Variants in C1QTNF3 observed in about 807,000 individuals in gnomAD.
C1QTNF3 encodes complement C1q tumor necrosis factor-related protein 3.
A neutral mutation model predicts 32.6 loss-of-function variants in C1QTNF3; 26 were observed. That is an observed-to-expected ratio of 0.80 (90% CI 0.58 to 1.11). The LOEUF is 1.11. C1QTNF3 is among the 50% of genes least tolerant of loss of function. The pLI is 0.00. For missense variants in C1QTNF3, 362 were observed against 398.2 expected (o/e 0.91, Z 0.77); for synonymous variants, 155 against 146.0 (o/e 1.06, Z -0.44).
At chr5:34,098,897 T>G in the C1QTNF3 span, among the ~76,000 whole-genome samples, 1 of 152,002 alleles carries the variant, frequency 6.6e-6, no homozygotes, top group African/African-American at 2.4e-5. Context: ...AACATTTAAT[T>G]GTTACTGTAA....
chr5:34,172,440 C>T, the C1QTNF3 span, among the ~76,000 whole-genome samples: 5 of 21,312 alleles, frequency 2.3e-4, no homozygotes, highest in South Asian at 4.2e-3. Flanking sequence ...CGGGGTTGGG[C>T]GGGGGGGGCG....
the C1QTNF3 span, among the ~76,000 whole-genome samples, chr5:34,160,836 G>C: frequency 6.6e-6 from 1 of 151,318 alleles, no homozygotes; most frequent in Non-Finnish European, 1.5e-5. Context: ...GAGCGAAAGA[G>C]AGAGAGAAAG....
At chr5:34,237,720 A>C in the C1QTNF3 span, among the ~76,000 whole-genome samples, 1 of 152,132 alleles carries the variant, frequency 6.6e-6, no homozygotes, top group Non-Finnish European at 1.5e-5. Flanking sequence ...AGAGGGAGGA[A>C]GCCTGTGCAG....
chr5:34,022,980 C>A (rs1479427277), intron 5 of C1QTNF3, among the ~76,000 whole-genome samples: 1 of 152,254 alleles, frequency 6.6e-6, no homozygotes, highest in South Asian at 2.1e-4. Flanking sequence ...CTCAGCCTCC[C>A]GAGTAGCTGG....
At chr5:34,022,040 AG>A in intron 5 of C1QTNF3, among the ~76,000 whole-genome samples, 1 of 152,246 alleles carries the variant, frequency 6.6e-6, no homozygotes, top group East Asian at 1.9e-4. Context: ...AGAAGGCCTC[AG>A]GGTAACTCCA....
chr5:34,056,881 C>A, the C1QTNF3 span, among the ~76,000 whole-genome samples: 1 of 151,952 alleles, frequency 6.6e-6, no homozygotes, highest in African/African-American at 2.4e-5. Context: ...ACAGTGCAGA[C>A]AGGAAAAATA....
the C1QTNF3 span, among the ~76,000 whole-genome samples, chr5:34,203,193 A>G: frequency 1.3e-5 from 2 of 152,220 alleles, no homozygotes; most frequent in Non-Finnish European, 2.9e-5. Flanking sequence ...GAGAAATCAA[A>G]TAGCAACACA....
the C1QTNF3 span, among the ~76,000 whole-genome samples, chr5:34,170,224 T>C: frequency 1.1e-4 from 17 of 152,150 alleles, no homozygotes; most frequent in African/African-American, 4.1e-4. Context: ...ACGAGGTATC[T>C]GTAATAGTCA....
the C1QTNF3 span, among the ~76,000 whole-genome samples, chr5:34,050,827 G>A: frequency 5.0e-4 from 76 of 152,328 alleles, no homozygotes; most frequent in African/African-American, 1.8e-3. Context: ...AACTGCATAT[G>A]TCAGCTTCTG....
chr5:34,036,102 C>G (rs1321563514), intron 1 of C1QTNF3, among the ~76,000 whole-genome samples: 1 of 152,174 alleles, frequency 6.6e-6, no homozygotes, highest in Non-Finnish European at 1.5e-5. Context: ...GACTTGGAAG[C>G]CTTTTCTCTT....
intron 3 of C1QTNF3, 151 bp from the exon 4 acceptor site, chr5:34,029,034 T>G: frequency 1.7e-6 from 1 of 573,070 alleles, no homozygotes; most frequent in Non-Finnish European, 2.9e-6. Flanking sequence ...TTATGGTAAT[T>G]CCAACATTTG....
At chr5:34,231,417 T>A in the C1QTNF3 span, among the ~76,000 whole-genome samples, 1 of 152,204 alleles carries the variant, frequency 6.6e-6, no homozygotes, top group Admixed American at 6.5e-5. Context: ...GAATGTACAT[T>A]CTAGAGAAAT....
At chr5:34,175,633 C>T in the C1QTNF3 span, 1 of 515,740 alleles carries the variant, frequency 1.9e-6, no homozygotes, top group Non-Finnish European at 3.5e-6. Context: ...GAAGCGGGGA[C>T]CTGACTCCTT....
At chr5:34,237,420 T>C in the C1QTNF3 span, among the ~76,000 whole-genome samples, 9 of 152,236 alleles carry the variant, frequency 5.9e-5, no homozygotes, top group Non-Finnish European at 1.3e-4. Flanking sequence ...CAATTTTTAA[T>C]TACATATTTA....
At chr5:34,217,793 G>C in the C1QTNF3 span, among the ~76,000 whole-genome samples, 1 of 152,024 alleles carries the variant, frequency 6.6e-6, no homozygotes, top group African/African-American at 2.4e-5. Flanking sequence ...TAAACCTATG[G>C]AATGTTAACA....
the C1QTNF3 span, chr5:34,166,090 A>C: frequency 6.6e-6 from 1 of 151,110 alleles, no homozygotes; most frequent in Non-Finnish European, 1.5e-5. Flanking sequence ...AGGCTTAGAA[A>C]GTGTTTTAGA....
At chr5:34,082,559 C>A in the C1QTNF3 span, among the ~76,000 whole-genome samples, 1 of 151,718 alleles carries the variant, frequency 6.6e-6, no homozygotes, top group Admixed American at 6.6e-5. Flanking sequence ...AGCATCGTCT[C>A]TGACTATTGA....
At chr5:34,218,143 G>A in the C1QTNF3 span, among the ~76,000 whole-genome samples, 2 of 151,702 alleles carry the variant, frequency 1.3e-5, no homozygotes, top group Non-Finnish European at 2.9e-5. Flanking sequence ...AAGAACATAA[G>A]GATGTGATAA....
At chr5:34,031,051 A>AC (rs1451924412) in intron 3 of C1QTNF3, among the ~76,000 whole-genome samples, 8 of 152,180 alleles carry the variant, frequency 5.3e-5, no homozygotes, top group Non-Finnish European at 8.8e-5. Context: ...TTAACTATGT[A>AC]AAAAACCTGC....
Sources: allele counts gnomAD v4.1 joint callset (sites outside exome capture counted in the v4.1 genomes callset), GRCh38; gene constraint gnomAD v4.1.1; transcripts MANE v1.5; gene names NCBI Gene and HGNC (gene_info 2026-07-23, HGNC 2026-07-21).